The following LUZP2 variants were observed in gnomAD, a reference collection of about 807,000 sequenced individuals.
LUZP2 encodes the protein leucine zipper protein 2.
A neutral mutation model predicts 51.6 loss-of-function variants in LUZP2; 52 were observed. The ratio of observed to expected loss-of-function variants is 1.01; its 90% CI spans 0.81 to 1.27. The LOEUF (loss-of-function observed/expected upper bound fraction) is 1.27. Ranked by LOEUF, LUZP2 falls within the 50% of genes most tolerant of loss-of-function variation. LUZP2 has a pLI of 0.00. For missense variants in LUZP2, 436 were observed against 395.4 expected, an observed-to-expected ratio of 1.10 and a Z score of -0.87; for synonymous variants, 154 against 137.3, an observed-to-expected ratio of 1.12 and a Z score of -0.85.
chr11:24,825,589 G>T (rs1455784886), intron 5 of LUZP2, among the ~76,000 whole-genome samples: 1 of 152,046 alleles, frequency 6.6e-6, no homozygotes, highest in Non-Finnish European at 1.5e-5. Context: ...AGGGTCTCAA[G>T]GTGAAATAAG....
At chr11:24,815,266 C>T (rs544265974) in intron 5 of LUZP2, among the ~76,000 whole-genome samples, 1 of 152,228 alleles carries the variant, frequency 6.6e-6, no homozygotes, top group Admixed American at 6.5e-5. Flanking sequence ...AATAACAGTA[C>T]TGTGAATGAA....
intron 1 of LUZP2, among the ~76,000 whole-genome samples, chr11:24,538,508 A>T (rs1345686674): frequency 6.6e-6 from 1 of 151,748 alleles, no homozygotes; most frequent in Non-Finnish European, 1.5e-5. Context: ...ACTAAATTGT[A>T]CACCTTAAAT....
Position 25,076,523 on chromosome 11 carries a change from TAAA to T in LUZP2, c.859-801_859-799del, listed in dbSNP as rs1859302370. Among the ~76,000 whole-genome samples, 3 of 143,796 alleles carry T rather than the reference TAAA, an allele frequency of 2.1e-5. No individual in the cohort carries two copies. The South Asian group carries it at 6.5e-4, about 31-fold the overall frequency. 94.3% of individuals were successfully genotyped at this position (143,796 alleles called of 152,430 possible). ...AGGAAGGAGGAAAAGTATCAGTAAG[TAAA>T]AAAAGAAAGGGAGGAAGGAAGAGAG... is the stretch of plus-strand genomic sequence containing the variant. On this transcript the variant is annotated intron_variant, in intron 10 of 11. Coordinates refer to ENST00000336930, the MANE Select transcript of LUZP2 (RefSeq NM_001009909.4).
At chr11:24,996,581 TA>T (rs1240184059) in intron 9 of LUZP2, among the ~76,000 whole-genome samples, 1 of 6,210 alleles carries the variant, frequency 1.6e-4, no homozygotes, top group African/African-American at 1.7e-4. Context: ...TTTTTTATTT[TA>T]TTTTATTTTA....
intron 1 of LUZP2, among the ~76,000 whole-genome samples, chr11:24,639,389 TTCTC>T (rs1401667897): frequency 3.3e-5 from 5 of 151,726 alleles, no homozygotes; most frequent in African/African-American, 4.9e-5. Flanking sequence ...AGATATGTAA[TTCTC>T]TCTATTTTAT....
chr11:24,602,786 A>G (rs894385719), intron 1 of LUZP2, among the ~76,000 whole-genome samples: 1 of 151,718 alleles, frequency 6.6e-6, no homozygotes, highest in Non-Finnish European at 1.5e-5. Flanking sequence ...TCTGTTTTCA[A>G]GCTTGCTCAC....
chr11:24,746,458 G>A (rs1408562510), intron 4 of LUZP2, among the ~76,000 whole-genome samples: 2 of 152,088 alleles, frequency 1.3e-5, no homozygotes, highest in Admixed American at 6.6e-5. Context: ...AGGTTTCCTG[G>A]TGCTTTTGTC....
At chr11:24,630,922 G>C (rs548065710) in intron 1 of LUZP2, among the ~76,000 whole-genome samples, 1 of 151,792 alleles carries the variant, frequency 6.6e-6, no homozygotes, top group East Asian at 1.9e-4. Flanking sequence ...CCTCTACTTG[G>C]TTAAATATAT....
intron 5 of LUZP2, among the ~76,000 whole-genome samples, chr11:24,871,094 A>G (rs75095458): frequency 0.014 from 2,192 of 152,230 alleles, 55 homozygotes; most frequent in African/African-American, 0.051. Context: ...TAAAATATTC[A>G]AATATTTCAA....
intron 5 of LUZP2, among the ~76,000 whole-genome samples, chr11:24,801,331 C>G (rs1849693472): frequency 6.6e-6 from 1 of 152,010 alleles, no homozygotes. Flanking sequence ...TCTGAATGCT[C>G]CATTAAAGAC....
At chr11:25,042,467 G>C (rs991727258) in intron 9 of LUZP2, among the ~76,000 whole-genome samples, 2 of 152,108 alleles carry the variant, frequency 1.3e-5, no homozygotes, top group African/African-American at 4.8e-5. Context: ...ATTTTGCCTT[G>C]CATAGGAATA....
At chr11:24,863,117 T>C (rs1374503854) in intron 5 of LUZP2, among the ~76,000 whole-genome samples, 3 of 152,266 alleles carry the variant, frequency 2.0e-5, no homozygotes, top group South Asian at 4.1e-4. Context: ...TTTAAACTGG[T>C]GAGGCTGATT....
At chr11:24,948,837 ATCTATCTATCTATC>A in intron 7 of LUZP2, among the ~76,000 whole-genome samples, 1 of 17,052 alleles carries the variant, frequency 5.9e-5, no homozygotes, top group Non-Finnish European at 4.1e-3. Context: ...CTATCTATCT[ATCTATCTATCTATC>A]TATCTATCTA....
At chr11:25,074,716 A>G (rs1452129699) in intron 10 of LUZP2, among the ~76,000 whole-genome samples, 1 of 152,176 alleles carries the variant, frequency 6.6e-6, no homozygotes, top group Non-Finnish European at 1.5e-5. Flanking sequence ...ATCAAATTTC[A>G]TAGGTACATT....
chr11:24,553,001 A>G, intron 1 of LUZP2, among the ~76,000 whole-genome samples: 1 of 151,496 alleles, frequency 6.6e-6, no homozygotes, highest in East Asian at 1.9e-4. Flanking sequence ...ATCTAACTAT[A>G]TTAAAGAAAT....
intron 1 of LUZP2, among the ~76,000 whole-genome samples, chr11:24,502,136 C>A (rs1850012602): frequency 7.2e-6 from 1 of 139,782 alleles, no homozygotes; most frequent in Admixed American, 6.9e-5. Context: ...TCCCTAAGTA[C>A]TCAACAAAGG....
rs954801926 is a variant in LUZP2 at position 24,810,063 on chromosome 11, A to G, written c.396+46755A>G. ...TAACTGCAGAGGAGCGGTTATGTTTATAAGTAGTTGTGTTCCAGGTAGTTA... is the reference window on the plus strand; with the variant it reads ...TAACTGCAGAGGAGCGGTTATGTTTGTAAGTAGTTGTGTTCCAGGTAGTTA... On this transcript the variant is annotated intron_variant, in intron 5 of 11. Transcript: ENST00000336930. 2.6e-5 allele frequency among the ~76,000 whole-genome samples: 4 copies of G among 152,188 alleles called. No homozygotes were observed. In the South Asian group the frequency reaches 8.3e-4, roughly 31 times the overall value.
chr11:24,501,516 G>T (rs1317003322), intron 1 of LUZP2, among the ~76,000 whole-genome samples: 1 of 152,168 alleles, frequency 6.6e-6, no homozygotes, highest in South Asian at 2.1e-4. Context: ...TATGTGTGCG[G>T]CTGTTTCTCA....
intron 9 of LUZP2, among the ~76,000 whole-genome samples, chr11:25,045,556 C>G (rs900100302): frequency 2.6e-5 from 4 of 152,066 alleles, no homozygotes; most frequent in African/African-American, 7.2e-5. Flanking sequence ...TTGCCTCAGC[C>G]TTACTTTCAA....
Sources: allele counts gnomAD v4.1 joint callset (sites outside exome capture counted in the v4.1 genomes callset), GRCh38; gene constraint gnomAD v4.1.1; transcripts MANE v1.5; gene names NCBI Gene and HGNC (gene_info 2026-07-23, HGNC 2026-07-21).